The following DIP2C variants were observed in gnomAD, a reference collection of about 807,000 sequenced individuals.
The protein encoded by DIP2C is DIP2 acetate--CoA ligase C (putative).
A neutral mutation model predicts 192.4 loss-of-function variants in DIP2C; 33 were observed. The observed-to-expected ratio is 0.17, with a 90% CI of 0.13 to 0.23. The LOEUF is 0.23. Among genes scored for constraint, DIP2C ranks in the 10% least tolerant of loss-of-function variants. The pLI is 1.00. For synonymous variants in DIP2C, 979 were observed against 864.1 expected, an observed-to-expected ratio of 1.13 and a Z score of -2.33; for missense variants, 1,537 against 2,110.1, an observed-to-expected ratio of 0.73 and a Z score of 5.32.
At chr10:463,543 T>C (rs1019300393) in intron 3 of DIP2C, among the ~76,000 whole-genome samples, 4 of 152,186 alleles carry the variant, frequency 2.6e-5, no homozygotes, top group Non-Finnish European at 5.9e-5. Flanking sequence ...ATAGGAAGAA[T>C]ATCATGAAAA....
chr10:662,163 A>T, intron 1 of DIP2C: 1 of 716,150 alleles, frequency 1.4e-6, no homozygotes, highest in South Asian at 1.5e-5. Context: ...TTCTGCCCTC[A>T]GATAGGCACA....
chr10:297,222 C>G (rs1311532851), intron 32 of DIP2C, among the ~76,000 whole-genome samples: 1 of 123,524 alleles, frequency 8.1e-6, no homozygotes, highest in African/African-American at 3.2e-5. Flanking sequence ...CAAAACCAAC[C>G]CCCCCCCACC....
chr10:598,890 T>C (rs113849047), intron 1 of DIP2C, among the ~76,000 whole-genome samples: 6 of 152,252 alleles, frequency 3.9e-5, no homozygotes, highest in Admixed American at 3.3e-4. Flanking sequence ...AATAGAGCCA[T>C]GTGAATAGTT....
intron 22 of DIP2C, among the ~76,000 whole-genome samples, chr10:361,029 G>A (rs553535555): frequency 1.0e-3 from 155 of 152,234 alleles, no homozygotes; most frequent in African/African-American, 3.0e-3. Context: ...GGCAGGGGAC[G>A]TCTGCTAAGC....
At chr10:290,251 A>G (rs1458417407) in intron 32 of DIP2C, among the ~76,000 whole-genome samples, 1 of 152,242 alleles carries the variant, frequency 6.6e-6, no homozygotes, top group African/African-American at 2.4e-5. Flanking sequence ...CAAACAGCTC[A>G]CATGATTCAA....
intron 1 of DIP2C, chr10:667,428 G>A (rs559239336): frequency 6.6e-6 from 1 of 152,368 alleles, no homozygotes; most frequent in South Asian, 2.1e-4. Context: ...AGGACTTGCT[G>A]AGGAGCAGTC....
At chr10:284,765 G>A (rs780450438) in intron 34 of DIP2C, among the ~76,000 whole-genome samples, 6 of 152,176 alleles carry the variant, frequency 3.9e-5, no homozygotes, top group Non-Finnish European at 7.3e-5. Flanking sequence ...CACACAATGT[G>A]AGCTGATGGA....
intron 32 of DIP2C, among the ~76,000 whole-genome samples, chr10:303,521 CTTTTT>C (rs201941178): frequency 1.4e-5 from 2 of 148,078 alleles, no homozygotes; most frequent in South Asian, 2.1e-4. Context: ...AAGTTTTTTA[CTTTTT>C]TTTTTTCTTT....
chr10:515,360 C>T (rs544133948), intron 1 of DIP2C, among the ~76,000 whole-genome samples: 4 of 152,278 alleles, frequency 2.6e-5, no homozygotes, highest in South Asian at 4.1e-4. Flanking sequence ...CATCCCTCTC[C>T]TCCTAGGCTC....
intron 1 of DIP2C, among the ~76,000 whole-genome samples, chr10:542,373 A>G (rs1359816445): frequency 2.6e-5 from 4 of 152,190 alleles, no homozygotes; most frequent in Admixed American, 6.5e-5. Context: ...TGCTGTAGGA[A>G]GAAGGCCATT....
At chr10:561,091 G>A (rs757010837) in intron 1 of DIP2C, among the ~76,000 whole-genome samples, 14 of 152,102 alleles carry the variant, frequency 9.2e-5, no homozygotes, top group Non-Finnish European at 1.8e-4. Context: ...ACATTTATTT[G>A]ATTGATGTCT....
At chr10:404,263 C>T (rs1964646664) in intron 9 of DIP2C, among the ~76,000 whole-genome samples, 1 of 150,220 alleles carries the variant, frequency 6.7e-6, no homozygotes, top group South Asian at 2.1e-4. Context: ...GGCTGGAGTA[C>T]AGTAGTGCAA....
rs183663818 is a variant in DIP2C at position 591,258 on chromosome 10, G to A, written c.85+98236C>T. Among the ~76,000 whole-genome samples, 6 of 152,184 alleles carry A rather than the reference G, an allele frequency of 3.9e-5. No individual in the cohort carries two copies. The East Asian group carries it at 1.2e-3, about 29-fold the overall frequency. ...TCCTGCCTCAGCCTCCCGAGTAGCT[G>A]GGATTACAGGTGCCCGCCACCACGC... is the stretch of plus-strand genomic sequence containing the variant. On this transcript the variant is annotated intron_variant, in intron 1 of 36. Transcript: ENST00000280886.
At chr10:280,043 CAA>C (rs1279007767) in intron 36 of DIP2C, among the ~76,000 whole-genome samples, 1 of 151,430 alleles carries the variant, frequency 6.6e-6, no homozygotes, top group Non-Finnish European at 1.5e-5. Flanking sequence ...GTTTCTGGGC[CAA>C]AGTCTTCCTA....
chr10:309,934 T>A (rs760604891), intron 32 of DIP2C, 97 bp downstream of exon 32: 72 of 1,187,580 alleles, frequency 6.1e-5, no homozygotes, highest in Non-Finnish European at 7.5e-5. Context: ...CAGATAAACA[T>A]CGTGTGCACC....
At chr10:372,270 T>C (rs888863541) in intron 17 of DIP2C, among the ~76,000 whole-genome samples, 3 of 152,140 alleles carry the variant, frequency 2.0e-5, no homozygotes, top group African/African-American at 7.2e-5. Context: ...AGACGGGGTT[T>C]CACCATGTGG....
chr10:589,529 T>C (rs891788761), intron 1 of DIP2C, among the ~76,000 whole-genome samples: 1 of 152,206 alleles, frequency 6.6e-6, no homozygotes, highest in African/African-American at 2.4e-5. Flanking sequence ...TTCACTCTTT[T>C]GCATATGGCT....
At chr10:643,469 G>T (rs529281928) in intron 1 of DIP2C, among the ~76,000 whole-genome samples, 65 of 152,066 alleles carry the variant, frequency 4.3e-4, no homozygotes, top group African/African-American at 1.5e-3. Flanking sequence ...AACTGAGATC[G>T]CACCACTGCA....
chr10:571,455 TCTC>T (rs1849806831), intron 1 of DIP2C, among the ~76,000 whole-genome samples: 1 of 144,048 alleles, frequency 6.9e-6, no homozygotes, highest in African/African-American at 3.0e-5. Context: ...TCTCTCTTCC[TCTC>T]CTCCTGCATC....
Sources: allele counts gnomAD v4.1 joint callset (sites outside exome capture counted in the v4.1 genomes callset), GRCh38; gene constraint gnomAD v4.1.1; transcripts MANE v1.5; gene names NCBI Gene and HGNC (gene_info 2026-07-23, HGNC 2026-07-21).